Variants in APOOL observed in about 807,000 individuals in gnomAD.
APOOL encodes MICOS complex subunit MIC27.
A neutral mutation model predicts 23.1 loss-of-function variants in APOOL; 12 were observed. The ratio of observed to expected loss-of-function variants is 0.52; its 90% confidence interval spans 0.33 to 0.84. The LOEUF (loss-of-function observed/expected upper bound fraction) is 0.84, where lower values mean the gene tolerates loss of function less well. Ranked by LOEUF, APOOL falls within the 40% of genes least tolerant of loss-of-function variation. The probability of loss-of-function intolerance (pLI) is 0.02; values close to 1 mark genes in which losing one functional copy is unlikely to be tolerated. For synonymous variants in APOOL, 77 were observed against 69.9 expected, an observed-to-expected ratio of 1.10 and a Z score of -0.51; for missense variants, 212 against 199.6, an observed-to-expected ratio of 1.06 and a Z score of -0.37.
chrX:85,077,079 A>ATG (rs1491352629), intron 8 of APOOL, among the ~76,000 whole-genome samples: 1 of 18,490 alleles, frequency 5.4e-5, no homozygotes, highest in African/African-American at 1.4e-4. Context: ...ATATATACAT[A>ATG]TATATATATA....
At chrX:85,024,639 T>C (rs1483326247) in intron 1 of APOOL, among the ~76,000 whole-genome samples, 1 of 112,655 alleles carries the variant, frequency 8.9e-6, no homozygotes, top group East Asian at 2.8e-4. Flanking sequence ...AGTTGAGAGA[T>C]ATGCAAGATT....
intron 1 of APOOL, 70 bp downstream of exon 1, chrX:85,003,997 T>C: frequency 8.6e-7 from 1 of 1,162,866 alleles, no homozygotes; most frequent in African/African-American, 1.8e-5. Context: ...AAAGGGATCC[T>C]ACTAACTTCT....
chrX:85,007,308 A>G (rs1029088174), intron 1 of APOOL, among the ~76,000 whole-genome samples: 7 of 111,361 alleles, frequency 6.3e-5, no homozygotes, highest in South Asian at 7.6e-4. Flanking sequence ...GGTTGCTCCA[A>G]TGCTGAGTGT....
At chrX:85,075,848 T>G (rs1032486444) in intron 8 of APOOL, among the ~76,000 whole-genome samples, 1 of 111,737 alleles carries the variant, frequency 8.9e-6, no homozygotes, top group Non-Finnish European at 1.9e-5. Flanking sequence ...CCAGTGCTAC[T>G]TACTCATTCT....
intron 1 of APOOL, among the ~76,000 whole-genome samples, chrX:85,042,384 A>G (rs768898157): frequency 1.8e-5 from 2 of 111,697 alleles, no homozygotes; most frequent in East Asian, 2.8e-4. Context: ...GACACACACA[A>G]CCTACCAACA....
chrX:85,092,606 T>C lies in APOOL; in HGVS notation c.*4928T>C, dbSNP rs745633237. The C allele has an allele frequency of 4.3e-5, 47 of 1,082,818 alleles. No individual in the cohort carries two copies. The Admixed American group carries it at 1.1e-3, about 25-fold the overall frequency. The allele number at this position is 1,082,818 out of a possible 1,213,427, so 89.2% of individuals were successfully genotyped here. Reference sequence around the variant, plus strand: ...CAAATATTACTTTCATTTGAAAGTATAATCTTCGTTAACACATATATTTTA... The same window carrying C: ...CAAATATTACTTTCATTTGAAAGTACAATCTTCGTTAACACATATATTTTA... On this transcript the variant is annotated 3_prime_UTR_variant, in exon 9 of 9. Coordinates refer to ENST00000373173, the MANE Select transcript of APOOL (RefSeq NM_198450.6).
intron 2 of APOOL, among the ~76,000 whole-genome samples, chrX:85,048,665 A>G (rs1166303463): frequency 1.8e-5 from 2 of 111,953 alleles, no homozygotes; most frequent in African/African-American, 6.5e-5. Flanking sequence ...AGTGAGCTAT[A>G]CTTCTGTTTA....
rs1333418839 is a variant in APOOL at position 85,062,528 on chromosome X, A to G, written c.395-4599A>G. On this transcript the variant is annotated intron_variant, in intron 5 of 8. Transcript: ENST00000373173. ...TTTACATTTAAGTCATTAATCCATC[A>G]TGAGTTACTTTTTGTATAAGGTGTA... Among the ~76,000 whole-genome samples the G allele has an allele frequency of 3.6e-5, 4 of 111,713 alleles. No homozygotes were observed. The Admixed American group carries it at 3.8e-4, about 11-fold the overall frequency.
intron 1 of APOOL, among the ~76,000 whole-genome samples, chrX:85,032,701 ATAAT>A (rs1458073234): frequency 9.0e-6 from 1 of 111,527 alleles, no homozygotes; most frequent in African/African-American, 3.3e-5. Context: ...AAATTTCAGA[ATAAT>A]TCTTTCATAC....
chrX:85,032,766 A>G (rs1209652676), intron 1 of APOOL, among the ~76,000 whole-genome samples: 1 of 111,647 alleles, frequency 9.0e-6, no homozygotes, highest in African/African-American at 3.3e-5. Flanking sequence ...TTAATATTGT[A>G]TAATTTCATA....
At chrX:85,013,739 A>C (rs1341532791) in intron 1 of APOOL, among the ~76,000 whole-genome samples, 1 of 111,975 alleles carries the variant, frequency 8.9e-6, no homozygotes, top group Admixed American at 9.5e-5. Flanking sequence ...GTGTCCTATC[A>C]TGTGGTCTGT....
chrX:85,011,231 G>A (rs776056758), intron 1 of APOOL, among the ~76,000 whole-genome samples: 87 of 111,874 alleles, frequency 7.8e-4, no homozygotes, highest in Non-Finnish European at 1.1e-3. Flanking sequence ...TGTAGATACT[G>A]GATATTAGTC....
chrX:85,031,095 G>T (rs1349178434), intron 1 of APOOL, among the ~76,000 whole-genome samples: 1 of 111,587 alleles, frequency 9.0e-6, no homozygotes, highest in Non-Finnish European at 1.9e-5. Flanking sequence ...GAGTGTGTTG[G>T]CCTGCAAGCA....
intron 5 of APOOL, among the ~76,000 whole-genome samples, chrX:85,061,214 C>T (rs950859040): frequency 8.1e-5 from 9 of 111,483 alleles, no homozygotes; most frequent in African/African-American, 1.3e-4. Flanking sequence ...ACCAGCCTTG[C>T]ATCCCAGGGA....
intron 3 of APOOL, among the ~76,000 whole-genome samples, chrX:85,053,627 C>G (rs1406556673): frequency 9.0e-6 from 1 of 111,091 alleles, no homozygotes. Flanking sequence ...TTTGTGACTT[C>G]CTTTTTTTTC....
At chrX:85,035,400 C>T (rs1922181332) in intron 1 of APOOL, among the ~76,000 whole-genome samples, 1 of 110,353 alleles carries the variant, frequency 9.1e-6, no homozygotes, top group Non-Finnish European at 1.9e-5. Context: ...TCCTCATATT[C>T]AGTAAGTTAT....
At chrX:85,054,314 G>A (rs1922880151) in intron 3 of APOOL, 30 bp from the exon 4 acceptor site, 2 of 1,159,690 alleles carry the variant, frequency 1.7e-6, no homozygotes, top group Non-Finnish European at 2.3e-6. Context: ...CAAAAATGCA[G>A]ATGTCTTCCC....
chrX:85,024,829 T>A (rs1921786383), intron 1 of APOOL, among the ~76,000 whole-genome samples: 2 of 112,275 alleles, frequency 1.8e-5, no homozygotes, highest in Admixed American at 1.9e-4. Context: ...ATCTGGAATA[T>A]CTCTTTTAGC....
chrX:85,019,236 G>A (rs933384959), intron 1 of APOOL, among the ~76,000 whole-genome samples: 3 of 109,728 alleles, frequency 2.7e-5, no homozygotes, highest in Non-Finnish European at 3.9e-5. Flanking sequence ...AACTAATACC[G>A]TATGTGACAG....
Sources: allele counts gnomAD v4.1 joint callset (sites outside exome capture counted in the v4.1 genomes callset), GRCh38; gene constraint gnomAD v4.1.1; transcripts MANE v1.5; gene names NCBI Gene and HGNC (gene_info 2026-07-23, HGNC 2026-07-21).